The following NEU3 variants were observed in gnomAD, a reference collection of about 807,000 sequenced individuals.
The protein encoded by NEU3 is sialidase-3.
A neutral mutation model predicts 11.4 loss-of-function variants in NEU3; 10 were observed. The ratio of observed to expected loss-of-function variants is 0.88; its 90% CI spans 0.54 to 1.49. The LOEUF (loss-of-function observed/expected upper bound fraction) is 1.49. Ranked by LOEUF, NEU3 falls within the 40% of genes most tolerant of loss-of-function variation. NEU3 has a pLI of 0.00. For synonymous variants in NEU3, 212 were observed against 228.2 expected, an observed-to-expected ratio of 0.93 and a Z score of 0.64; for missense variants, 529 against 581.8, an observed-to-expected ratio of 0.91 and a Z score of 0.93.
chr11:74,993,336 T>C (rs2140236008), intron 1 of NEU3, among the ~76,000 whole-genome samples: 1 of 152,336 alleles, frequency 6.6e-6, no homozygotes, highest in East Asian at 1.9e-4. Context: ...CCTGAGTAGC[T>C]GGGACCACAG....
chr11:75,007,496 G>A lies in NEU3; in HGVS notation c.*1004G>A, dbSNP rs191752812. On this transcript the variant is annotated 3_prime_UTR_variant, in exon 3 of 3. Coordinates refer to ENST00000294064, the MANE Select transcript of NEU3 (RefSeq NM_006656.6). ...TTGCATCTTCAATATGCCTGGAGTC[G>A]TCTGTCCAAGGCTTGTCCAGGCTTC... is the stretch of plus-strand genomic sequence containing the variant. 5.9e-5 allele frequency: 9 copies of A among 152,286 alleles called. No homozygotes were observed. The highest frequency in any genetic ancestry group is 1.2e-4 in the Non-Finnish European group (8 of 68,040). 9.4% of individuals were successfully genotyped at this position (152,286 alleles called of 1,614,324 possible).
Position 74,988,945 on chromosome 11 carries a change from C to T in NEU3, c.-116C>T. 2.5e-6 allele frequency: 2 copies of T among 807,166 alleles called. No individual in the cohort carries two copies. Among genetic ancestry groups the T allele is most frequent in the Non-Finnish European group, 4.0e-6 (2 of 503,086 alleles). The allele number at this position is 807,166 out of a possible 1,614,324, so 50.0% of individuals were successfully genotyped here. ...ACCTGTTTCCGGCAGTCGACACGCT[C>T]TTCGCTTCTCGGGGCTTGTCTCCGT... On this transcript the variant is annotated 5_prime_UTR_variant, in exon 1 of 3. Coordinates refer to ENST00000294064, the MANE Select transcript of NEU3 (RefSeq NM_006656.6).
chr11:74,999,357 G>A (rs1948821718), intron 2 of NEU3, among the ~76,000 whole-genome samples: 1 of 152,204 alleles, frequency 6.6e-6, no homozygotes, highest in South Asian at 2.1e-4. Flanking sequence ...TCACTACTCA[G>A]TAGTCACACA....
intron 1 of NEU3, among the ~76,000 whole-genome samples, chr11:74,992,947 C>T (rs1156874118): frequency 2.6e-5 from 4 of 151,898 alleles, no homozygotes; most frequent in African/African-American, 9.7e-5. Context: ...GCAACAAGAG[C>T]AAAACTCCGT....
At chr11:74,998,162 C>T (rs539051483) in intron 2 of NEU3, among the ~76,000 whole-genome samples, 4 of 152,324 alleles carry the variant, frequency 2.6e-5, no homozygotes, top group Admixed American at 2.0e-4. Flanking sequence ...TAGCATTTAT[C>T]AAGTTCACCA....
At chr11:75,020,127 C>G (rs979998421), downstream of NEU3, among the ~76,000 whole-genome samples, 1 of 152,120 alleles carries the variant, frequency 6.6e-6, no homozygotes, top group African/African-American at 2.4e-5. Flanking sequence ...GGCCCTGTAA[C>G]CCCTCTGTTT....
Position 75,006,714 on chromosome 11 carries a change from A to G in NEU3, c.*222A>G, listed in dbSNP as rs1948903955. Reference sequence around the variant, plus strand: ...ACAAGGATGTGGTCCTGGCTCTGCCACTGGCTTGCTTTTGGACCTTGGATG... The same window carrying G: ...ACAAGGATGTGGTCCTGGCTCTGCCGCTGGCTTGCTTTTGGACCTTGGATG... On this transcript the variant is annotated 3_prime_UTR_variant, in exon 3 of 3. Coordinates refer to ENST00000294064, the MANE Select transcript of NEU3 (RefSeq NM_006656.6). 2 of 529,452 alleles carry G rather than the reference A, an allele frequency of 3.8e-6. No individual in the cohort carries two copies. The highest frequency in any genetic ancestry group is 2.5e-5 in the South Asian group (1 of 39,304). The allele number at this position is 529,452 out of a possible 1,614,324, so 32.8% of individuals were successfully genotyped here.
At chr11:74,982,089 A>G in the NEU3 span, among the ~76,000 whole-genome samples, 3 of 152,352 alleles carry the variant, frequency 2.0e-5, no homozygotes, top group East Asian at 3.9e-4. Context: ...ATGATTTCCC[A>G]AAGATGAAAT....
chr11:75,002,863 T>A (rs1948859391), intron 2 of NEU3, among the ~76,000 whole-genome samples: 2 of 152,254 alleles, frequency 1.3e-5, no homozygotes, highest in Admixed American at 1.3e-4. Context: ...TTCAGTATTC[T>A]TGAGATTTAT....
chr11:74,987,705 C>T (rs1007046768), upstream of NEU3, among the ~76,000 whole-genome samples: 8 of 151,836 alleles, frequency 5.3e-5, no homozygotes, highest in African/African-American at 1.7e-4. Flanking sequence ...CCCAGCTACT[C>T]GGGAGGCTGA....
At chr11:75,000,949 C>A (rs925526651) in intron 2 of NEU3, among the ~76,000 whole-genome samples, 5 of 151,870 alleles carry the variant, frequency 3.3e-5, no homozygotes, top group Non-Finnish European at 5.9e-5. Flanking sequence ...CTCTTTGGGA[C>A]CTTGCTTTTA....
intron 1 of NEU3, chr11:74,990,175 G>A: frequency 1.6e-6 from 1 of 608,892 alleles, no homozygotes; most frequent in South Asian, 2.0e-5. Flanking sequence ...ACTTTTGAGT[G>A]GTTCTTCATA....
At position 75,009,168 on chromosome 11, in the gene NEU3, CAGA is replaced by C. The variant is rs1214486343; in HGVS notation, c.*2683_*2685del. On this transcript the variant is annotated 3_prime_UTR_variant, in exon 3 of 3. Transcript: ENST00000294064. The stretch of plus-strand genomic sequence containing the variant: ...TGGCAGCTATGAAGAAAAAACAGAT[CAGA>C]AGAAGAGTCCTGGCACCTTAGGAAG... The C allele has an allele frequency of 1.4e-4, 21 of 152,296 alleles. No homozygotes were observed. Among genetic ancestry groups the C allele is most frequent in the African/African-American group, 4.6e-4 (19 of 41,546 alleles). 9.4% of individuals were successfully genotyped at this position (152,296 alleles called of 1,614,324 possible). A position where few individuals can be genotyped will look rare whatever the true frequency, so the allele number is the denominator to read the frequency against.
In NEU3 at chr11:75,008,060, T is replaced by C. The variant is rs952401681; in HGVS notation, c.*1568T>C. ...TTAGAGTGGCTTTTAAAAATCCCCT[T>C]AGCCTCTCCTACATTTGCCAAGGTA... On this transcript the variant is annotated 3_prime_UTR_variant, in exon 3 of 3. Transcript: ENST00000294064. The C allele has an allele frequency of 3.9e-5, 6 of 152,176 alleles. No individual in the cohort carries two copies. Among genetic ancestry groups the C allele is most frequent in the African/African-American group, 1.4e-4 (6 of 41,414 alleles). The allele number at this position is 152,176 out of a possible 1,614,324, so 9.4% of individuals were successfully genotyped here. A position where few individuals can be genotyped will look rare whatever the true frequency, so the allele number is the denominator to read the frequency against.
chr11:74,987,541 C>T (rs965789726), upstream of NEU3, among the ~76,000 whole-genome samples: 1 of 152,130 alleles, frequency 6.6e-6, no homozygotes, highest in Non-Finnish European at 1.5e-5. Flanking sequence ...TTGCCAGGCG[C>T]GGTGGCTCAC....
chr11:74,980,882 A>G, the NEU3 span, among the ~76,000 whole-genome samples: 4 of 152,234 alleles, frequency 2.6e-5, no homozygotes, highest in African/African-American at 9.7e-5. Context: ...TTCTTCCTCT[A>G]TAGGCAGCAG....
intron 2 of NEU3, among the ~76,000 whole-genome samples, chr11:75,002,672 C>T (rs1168449376): frequency 1.3e-5 from 2 of 152,184 alleles, no homozygotes; most frequent in Non-Finnish European, 2.9e-5. Context: ...CACTTGTGGA[C>T]TCATATATAG....
chr11:74,981,162 G>T, the NEU3 span, among the ~76,000 whole-genome samples: 3 of 152,180 alleles, frequency 2.0e-5, no homozygotes, highest in Non-Finnish European at 4.4e-5. Flanking sequence ...ATTTTTCTTG[G>T]CTGCCATAAA....
chr11:74,981,485 C>A, the NEU3 span, among the ~76,000 whole-genome samples: 6 of 152,094 alleles, frequency 3.9e-5, no homozygotes. Context: ...TTTTGAGCAC[C>A]CCTCCCCTCA....
Sources: gnomAD v4.1 joint callset for allele counts (sites outside exome capture counted in the v4.1 genomes callset) on GRCh38, gnomAD v4.1.1 for gene constraint, MANE v1.5 for transcripts, NCBI Gene and HGNC (gene_info 2026-07-23, HGNC 2026-07-21) for gene names.